MED12L: variants seen among roughly 807,000 people sequenced by gnomAD.
MED12L encodes the protein mediator of RNA polymerase II transcription subunit 12-like protein.
MED12L carries 60 observed loss-of-function variants against 281.3 expected under a neutral mutation model. The observed-to-expected ratio is 0.21, with a 90% CI of 0.17 to 0.26. The LOEUF is 0.26. Ranked by LOEUF, MED12L falls within the 10% of genes least tolerant of loss-of-function variation. The pLI, the probability that MED12L is intolerant of heterozygous loss-of-function variation, is 1.00. For missense variants in MED12L, 2,146 were observed against 2,680.9 expected (o/e 0.80, Z 4.41); for synonymous variants, 974 against 987.2 (o/e 0.99, Z 0.25).
chr3:151,291,150 GTTT>G (rs59482240), intron 16 of MED12L, among the ~76,000 whole-genome samples: 43,879 of 127,420 alleles, frequency 0.34, 6,793 homozygotes, highest in East Asian at 0.53. Flanking sequence ...CTTGTTTTCT[GTTT>G]TTTTTTTTTT....
chr3:151,390,315 G>A (rs945618279), intron 38 of MED12L, among the ~76,000 whole-genome samples, 180 bp downstream of exon 38: 2 of 152,144 alleles, frequency 1.3e-5, no homozygotes, highest in Admixed American at 1.3e-4. Context: ...TAAATTACGA[G>A]TTTATGTACT....
intron 2 of MED12L, among the ~76,000 whole-genome samples, chr3:151,107,089 C>T (rs1399340637): frequency 9.4e-6 from 1 of 106,754 alleles, no homozygotes; most frequent in Non-Finnish European, 1.7e-5. Flanking sequence ...TCTGTGTCCC[C>T]AGCTTTTTTT....
At position 151,101,070 on chromosome 3, in the gene MED12L, T is replaced by C. The variant is rs556637929; in HGVS notation, c.99+14045T>C. ...AATTGCTGTAAAAGTTTTCAAATAC[T>C]CTTAGTTTTTGCACATTTTATGTTG... On this transcript the variant is annotated intron_variant, in intron 2 of 44. Coordinates refer to ENST00000687756, the MANE Select transcript of MED12L (RefSeq NM_001393769.1). Among the ~76,000 whole-genome samples, 8 of 152,342 alleles carry C rather than the reference T, an allele frequency of 5.3e-5. No homozygotes were observed. In the South Asian group the frequency reaches 1.7e-3, roughly 32 times the overall value.
intron 43 of MED12L, among the ~76,000 whole-genome samples, chr3:151,423,096 T>G (rs1458271220): frequency 1.3e-5 from 2 of 151,156 alleles, no homozygotes. Context: ...CTCAGCTCAC[T>G]GCAACCTCCA....
chr3:151,176,369 C>G (rs1283020391), intron 11 of MED12L, among the ~76,000 whole-genome samples: 1 of 130,772 alleles, frequency 7.6e-6, no homozygotes, highest in Non-Finnish European at 1.5e-5. Context: ...GGCAAGAGGT[C>G]CATTACTTGC....
intron 5 of MED12L, 130 bp downstream of exon 5, chr3:151,128,114 G>A (rs1473646204): frequency 4.1e-6 from 3 of 737,866 alleles, no homozygotes; most frequent in Admixed American, 2.6e-5. Flanking sequence ...ATTTGCTCGG[G>A]TATGGATAGG....
rs148206917 is a variant in MED12L at position 151,395,986 on chromosome 3, A to G, written c.5820+1119A>G. On this transcript the variant is annotated intron_variant, in intron 39 of 44. Coordinates refer to ENST00000687756, the MANE Select transcript of MED12L (RefSeq NM_001393769.1). ...TATAAGGACAAGAGAGAAGAAACCA[A>G]TTGAACTGTATGATGACGCAAGCAA... Among the ~76,000 whole-genome samples the G allele has an allele frequency of 1.3e-3, 198 of 152,274 alleles. 1 individual carries two copies. The highest frequency in any genetic ancestry group is 0.012 in the Admixed American group (178 of 15,302).
chr3:151,175,731 T>C (rs1721962320), intron 11 of MED12L, among the ~76,000 whole-genome samples: 1 of 152,218 alleles, frequency 6.6e-6, no homozygotes, highest in Non-Finnish European at 1.5e-5. Flanking sequence ...TTAGGCCTAA[T>C]CTTTCAGATT....
In MED12L at chr3:151,327,888, T is replaced by C. The variant is rs372435927; in HGVS notation, c.2251-22171T>C. The C allele has an allele frequency of 1.5e-5, 12 of 819,726 alleles. No homozygotes were observed. The East Asian group carries it at 1.5e-4, about 10-fold the overall frequency. The allele number at this position is 819,726 out of a possible 1,614,324, so 50.8% of individuals were successfully genotyped here. Reference sequence around the variant, plus strand: ...TTCTGTACACGAGGATAATAAAATGTAAGAGAGCATTTGTTCCAATCTTTT... The same window carrying C: ...TTCTGTACACGAGGATAATAAAATGCAAGAGAGCATTTGTTCCAATCTTTT... On this transcript the variant is annotated intron_variant, in intron 16 of 44. Coordinates refer to ENST00000687756, the MANE Select transcript of MED12L (RefSeq NM_001393769.1).
chr3:151,169,107 TTTTTTTTTTTTTTTG>T (rs1273922600), intron 11 of MED12L, among the ~76,000 whole-genome samples: 70 of 127,126 alleles, frequency 5.5e-4, no homozygotes, highest in African/African-American at 2.1e-3. Context: ...TTTTTCTTTG[TTTTTTTTTTTTTTTG>T]TTTTTTTTTT....
intron 32 of MED12L, among the ~76,000 whole-genome samples, chr3:151,381,137 G>A (rs1270517219): frequency 2.6e-5 from 4 of 152,222 alleles, no homozygotes; most frequent in Non-Finnish European, 5.9e-5. Context: ...AAAGTGGATA[G>A]ATTGGTCTTA....
At chr3:151,363,854 A>G (rs1206009778) in intron 21 of MED12L, among the ~76,000 whole-genome samples, 1 of 152,192 alleles carries the variant, frequency 6.6e-6, no homozygotes, top group Admixed American at 6.5e-5. Flanking sequence ...AGCTGAAACT[A>G]CATTTTGGTA....
chr3:151,177,827 AG>A (rs1269042511), intron 11 of MED12L, among the ~76,000 whole-genome samples: 1 of 152,176 alleles, frequency 6.6e-6, no homozygotes, highest in African/African-American at 2.4e-5. Context: ...AACTACCTGT[AG>A]TTGGAAATTT....
In MED12L at chr3:151,367,867, A is replaced by G. The variant is rs1335973561; in HGVS notation, c.3448+101A>G. On this transcript the variant is annotated intron_variant, in intron 24 of 44. Transcript: ENST00000687756. ...GGGAAAGGAGTATTTGAGGGTATGT[A>G]TATTGGGAAGTGGTGTAGTATCAAG... The G allele has an allele frequency of 3.7e-6, 5 of 1,354,320 alleles. No homozygotes were observed. In the East Asian group the frequency reaches 7.0e-5, roughly 19 times the overall value. 83.9% of individuals were successfully genotyped at this position (1,354,320 alleles called of 1,614,324 possible).
intron 16 of MED12L, chr3:151,327,031 A>G (rs1185321742): frequency 1.3e-5 from 2 of 152,230 alleles, no homozygotes; most frequent in Non-Finnish European, 2.9e-5. Context: ...TCTGTAGACC[A>G]TGGACTGTAG....
chr3:151,164,021 G>T lies in MED12L; in HGVS notation c.1236G>T (p.Gly412=). Residue 412 remains glycine, a synonymous_variant, in exon 9 of 45, where the codon GGG becomes GGT. Coordinates refer to ENST00000687756, the MANE Select transcript of MED12L (RefSeq NM_001393769.1). ...VAPSSLPMPG[G]NTAFNQQVRA... ...CGTCCAGCCTCCCCATGCCGGGTGG[G>T]AACACGGCTTTCAATCAGCAGGTAG... 6.2e-7 allele frequency: 1 copy of T among 1,613,342 alleles called. No individual in the cohort carries two copies.
At chr3:151,326,512 A>C (rs1749615435) in intron 16 of MED12L, 1 of 152,500 alleles carries the variant, frequency 6.6e-6, no homozygotes, top group African/African-American at 2.4e-5. Context: ...GCCAGGTAAT[A>C]TTTCATGGAC....
Position 151,402,669 on chromosome 3 carries a change from T to C in MED12L, c.5821-6574T>C, listed in dbSNP as rs962948554. ...TGTCTGATATCTCCTCTACTTCCTT[T>C]ATGTCACCATTTAACCTCCATGTTG... On this transcript the variant is annotated intron_variant, in intron 39 of 44. Transcript: ENST00000687756. Among the ~76,000 whole-genome samples the C allele has an allele frequency of 5.9e-5, 9 of 152,338 alleles. No homozygotes were observed. In the South Asian group the frequency reaches 1.2e-3, roughly 21 times the overall value.
intron 43 of MED12L, among the ~76,000 whole-genome samples, chr3:151,417,487 C>CCCTTTT (rs1717736742): frequency 5.1e-5 from 4 of 78,814 alleles, no homozygotes; most frequent in African/African-American, 1.0e-4. Flanking sequence ...CCCCCCCCGC[C>CCCTTTT]TTTTTTTTTT....
Sources: allele counts gnomAD v4.1 joint callset (sites outside exome capture counted in the v4.1 genomes callset), GRCh38; gene constraint gnomAD v4.1.1; transcripts MANE v1.5; gene names NCBI Gene and HGNC (gene_info 2026-07-23, HGNC 2026-07-21).